Variants in ARFGEF2 observed in about 807,000 individuals in gnomAD.
ARFGEF2 encodes the protein ARF guanine nucleotide exchange factor 2, also known as brefeldin A-inhibited guanine nucleotide-exchange protein 2.
In ARFGEF2, 74 loss-of-function variants were observed where a neutral mutation model predicts 219.9. The observed-to-expected ratio is 0.34, with a 90% confidence interval of 0.28 to 0.41. ARFGEF2 has a LOEUF of 0.41. ARFGEF2 is among the 10% of genes least tolerant of loss of function. The probability of loss-of-function intolerance (pLI) is 1.00; values close to 1 mark genes in which losing one functional copy is unlikely to be tolerated. For synonymous variants in ARFGEF2, 733 were observed against 799.2 expected (o/e 0.92, Z 1.40); for missense variants, 1,743 against 2,218.3 (o/e 0.79, Z 4.30).
At chr20:48,996,919 C>T (rs1241144412) in intron 23 of ARFGEF2, among the ~76,000 whole-genome samples, 2 of 151,822 alleles carry the variant, frequency 1.3e-5, no homozygotes, top group African/African-American at 2.4e-5. Context: ...AATCACTCTC[C>T]GTTTTCTTTT....
intron 12 of ARFGEF2, among the ~76,000 whole-genome samples, chr20:48,973,524 G>A (rs1489874866): frequency 6.6e-6 from 1 of 152,166 alleles, no homozygotes; most frequent in Non-Finnish European, 1.5e-5. Context: ...GTGGGGTGCT[G>A]TAATTCTTAA....
intron 30 of ARFGEF2, among the ~76,000 whole-genome samples, chr20:49,015,361 G>A (rs571977270): frequency 5.3e-5 from 8 of 152,238 alleles, no homozygotes; most frequent in Non-Finnish European, 1.0e-4. Context: ...TGATCCACCC[G>A]CCTCAGCCTC....
Position 49,033,187 on chromosome 20 carries a change from A to C in ARFGEF2, c.5346A>C (p.Ser1782=). 1.2e-6 allele frequency: 2 copies of C among 1,614,204 alleles called. No homozygotes were observed. Among genetic ancestry groups the C allele is most frequent in the South Asian group, 2.2e-5 (2 of 91,086 alleles). The change falls in exon 39 of 39, where the codon TCA becomes TCC. Residue 1782 remains serine, a synonymous_variant. Coordinates refer to ENST00000371917, the MANE Select transcript of ARFGEF2 (RefSeq NM_006420.3). Reference sequence around the variant, plus strand: ...CATCACAGGTACCAGCAGCACTGTCACCAGTGTGGTAGCCCTGGCTGCCCA... The same window carrying C: ...CATCACAGGTACCAGCAGCACTGTCCCCAGTGTGGTAGCCCTGGCTGCCCA... ...EEPSQVPAAL[S]PVW
intron 36 of ARFGEF2, among the ~76,000 whole-genome samples, chr20:49,027,235 A>G (rs2091609070): frequency 6.6e-6 from 1 of 151,906 alleles, no homozygotes; most frequent in Admixed American, 6.6e-5. Flanking sequence ...ACAGGCACGC[A>G]CCACCACGCC....
chr20:48,937,966 T>G (rs1390828348), intron 1 of ARFGEF2, among the ~76,000 whole-genome samples: 1 of 152,326 alleles, frequency 6.6e-6, no homozygotes, highest in African/African-American at 2.4e-5. Context: ...ATGGTTAGTG[T>G]CAGTGCTAGG....
intron 6 of ARFGEF2, among the ~76,000 whole-genome samples, chr20:48,957,596 A>T (rs1405377998): frequency 6.6e-6 from 1 of 152,210 alleles, no homozygotes; most frequent in African/African-American, 2.4e-5. Flanking sequence ...TGATTTAATT[A>T]TCAAACACTT....
intron 13 of ARFGEF2, 50 bp downstream of exon 13, chr20:48,974,924 C>A: frequency 6.9e-7 from 1 of 1,444,774 alleles, no homozygotes; most frequent in South Asian, 1.2e-5. Context: ...TAGGCTCCTA[C>A]GACTGCTAGG....
At chr20:49,015,788 G>A (rs2091526169) in intron 30 of ARFGEF2, among the ~76,000 whole-genome samples, 1 of 152,174 alleles carries the variant, frequency 6.6e-6, no homozygotes, top group South Asian at 2.1e-4. Flanking sequence ...CATTGAAAAA[G>A]TGTTTCAAAC....
rs774405307 is a variant in ARFGEF2 at position 49,028,590 on chromosome 20, G to C, written c.4985G>C (p.Cys1662Ser). 8.7e-6 allele frequency: 14 copies of C among 1,614,220 alleles called. No homozygotes were observed. The highest frequency in any genetic ancestry group is 1.2e-5 in the Non-Finnish European group (14 of 1,180,030). Reference protein sequence around the residue: ...LKQETSSLACCLRILFRMYVD... With the variant: ...LKQETSSLACSLRILFRMYVD... Reference sequence around the variant, plus strand: ...CAAGAAACCAGCAGCCTGGCCTGTTGTTTGAGGATCCTGTTTCGAATGTAT... The same window carrying C: ...CAAGAAACCAGCAGCCTGGCCTGTTCTTTGAGGATCCTGTTTCGAATGTAT... Residue 1662 changes from cysteine to serine, a missense_variant, in exon 37 of 39, where the codon TGT becomes TCT. Coordinates refer to ENST00000371917, the MANE Select transcript of ARFGEF2 (RefSeq NM_006420.3).
Position 48,951,332 on chromosome 20 carries a change from G to T in ARFGEF2, c.286G>T (p.Ala96Ser). ...TTCTTTCTCTCTTTAGAAACTCATC[G>T]CATACGGGCACATCACTGGCAACGC... Reference protein sequence around the residue: ...TSLDCLQKLIAYGHITGNAPD... With the variant: ...TSLDCLQKLISYGHITGNAPD... The change falls in exon 4 of 39, where the codon GCA becomes TCA. Residue 96 changes from alanine (A) to serine (S), a missense_variant. Ala to Ser is a moderately conservative substitution (Grantham distance 99). Around this residue, in one of 5 missense-constraint regions of ARFGEF2, gnomAD observed 394 missense variants for 426.6 expected, o/e 0.92. Coordinates refer to ENST00000371917, the MANE Select transcript of ARFGEF2 (RefSeq NM_006420.3). The T allele has an allele frequency of 6.2e-7, 1 of 1,614,134 alleles. No individual in the cohort carries two copies. Among genetic ancestry groups the T allele is most frequent in the East Asian group, 2.2e-5 (1 of 44,882 alleles).
chr20:48,927,685 C>T (rs1482700630), intron 1 of ARFGEF2, among the ~76,000 whole-genome samples: 3 of 148,628 alleles, frequency 2.0e-5, no homozygotes, highest in Admixed American at 2.0e-4. Flanking sequence ...GAGACTCTGT[C>T]TCAAAAAAAA....
At chr20:49,010,594 T>G (rs2091492129) in intron 27 of ARFGEF2, among the ~76,000 whole-genome samples, 190 bp downstream of exon 27, 1 of 152,242 alleles carries the variant, frequency 6.6e-6, no homozygotes, top group Non-Finnish European at 1.5e-5. Context: ...GACTTTCTCC[T>G]TGCCTTCTCT....
chr20:48,950,573 C>T (rs1286970831), intron 3 of ARFGEF2, among the ~76,000 whole-genome samples: 1 of 151,434 alleles, frequency 6.6e-6, no homozygotes. Context: ...GCAGGAGGAT[C>T]GCTTGAGCCC....
intron 3 of ARFGEF2, among the ~76,000 whole-genome samples, chr20:48,948,207 A>G (rs984039411): frequency 6.6e-6 from 1 of 152,208 alleles, no homozygotes; most frequent in Non-Finnish European, 1.5e-5. Flanking sequence ...TTAGGTGTAT[A>G]CTTTTCTTTC....
At chr20:48,990,109 G>A (rs550943591) in intron 20 of ARFGEF2, among the ~76,000 whole-genome samples, 12 of 152,280 alleles carry the variant, frequency 7.9e-5, no homozygotes, top group Non-Finnish European at 1.8e-4. Flanking sequence ...AACCCAGGAG[G>A]TGGAGGTTGC....
chr20:48,998,144 G>T (rs1267809571), intron 23 of ARFGEF2, 49 bp from the exon 24 acceptor site: 3 of 1,569,602 alleles, frequency 1.9e-6, no homozygotes, highest in African/African-American at 1.4e-5. Context: ...ACAGGTGTGA[G>T]CCACCACACC....
At chr20:48,934,674 G>A (rs1477703885) in intron 1 of ARFGEF2, among the ~76,000 whole-genome samples, 1 of 152,172 alleles carries the variant, frequency 6.6e-6, no homozygotes, top group African/African-American at 2.4e-5. Context: ...TCCCTGCAAA[G>A]GACATGAACT....
chr20:49,013,759 T>A (rs939895737), intron 29 of ARFGEF2, 65 bp downstream of exon 29: 152 of 1,613,924 alleles, frequency 9.4e-5, no homozygotes, highest in Non-Finnish European at 1.2e-4. Flanking sequence ...CTTGCTCACC[T>A]GACCCCACTC....
intron 14 of ARFGEF2, among the ~76,000 whole-genome samples, chr20:48,979,370 G>C (rs6125509): frequency 6.6e-6 from 1 of 152,086 alleles, no homozygotes; most frequent in Non-Finnish European, 1.5e-5. Context: ...TGCTGGATTC[G>C]GTTTGCCAGT....
Sources: allele counts gnomAD v4.1 joint callset (sites outside exome capture counted in the v4.1 genomes callset), GRCh38; gene constraint gnomAD v4.1.1; regional missense constraint gnomAD v4.1.1; transcripts MANE v1.5; gene names NCBI Gene and HGNC (gene_info 2026-07-23, HGNC 2026-07-21).